PCDHA2: variants seen among roughly 807,000 people sequenced by gnomAD.
PCDHA2 encodes protocadherin alpha 2, also known as protocadherin alpha-2.
PCDHA2 carries 58 observed loss-of-function variants against 66.0 expected under a neutral mutation model. That is an observed-to-expected ratio of 0.88 (90% CI 0.71 to 1.09). The LOEUF is 1.09. Ranked by LOEUF, PCDHA2 falls within the 50% of genes least tolerant of loss-of-function variation. The probability of loss-of-function intolerance (pLI) is 0.00; values close to 1 mark genes in which losing one functional copy is unlikely to be tolerated. For synonymous variants in PCDHA2, 634 were observed against 554.0 expected (o/e 1.14, Z -2.03); for missense variants, 1,267 against 1,242.3 (o/e 1.02, Z -0.30).
chr5:140,956,408 C>T (rs1192859348), intron 1 of PCDHA2, among the ~76,000 whole-genome samples: 1 of 152,122 alleles, frequency 6.6e-6, no homozygotes, highest in Non-Finnish European at 1.5e-5. Context: ...TTGAGATAAT[C>T]ATGTGGGTTT....
chr5:140,803,187 A>G, intron 1 of PCDHA2: 1 of 1,613,930 alleles, frequency 6.2e-7, no homozygotes, highest in Non-Finnish European at 8.5e-7. Context: ...CGCCACGGCC[A>G]CTGTGCTGGT....
intron 1 of PCDHA2, chr5:140,857,129 G>A: frequency 6.3e-7 from 1 of 1,598,280 alleles, no homozygotes; most frequent in Non-Finnish European, 8.6e-7. Context: ...AGTGAAAGAA[G>A]ATGCTCAAGT....
At chr5:140,851,107 T>C in intron 1 of PCDHA2, 2 of 1,299,568 alleles carry the variant, frequency 1.5e-6, no homozygotes, top group Non-Finnish European at 2.0e-6. Context: ...TTTTGGGTGC[T>C]GAATCAATTT....
At position 140,807,296 on chromosome 5, in the gene PCDHA2, G is replaced by A. The variant is rs528454810; in HGVS notation, c.2388+9944G>A. 2.2e-5 allele frequency: 36 copies of A among 1,614,062 alleles called. No individual in the cohort carries two copies. The East Asian group carries it at 4.0e-4, about 18-fold the overall frequency. ...CGGTCAGCTCCACTACTCGGTCTCCGAGGAGGCCAAACACGGCACCTTCGT... is the reference window on the plus strand; with the variant it reads ...CGGTCAGCTCCACTACTCGGTCTCCAAGGAGGCCAAACACGGCACCTTCGT... On this transcript the variant is annotated intron_variant, in intron 1 of 3. Coordinates refer to ENST00000526136, the MANE Select transcript of PCDHA2 (RefSeq NM_018905.3).
rs140107313 is a variant in PCDHA2 at position 140,823,051 on chromosome 5, G to T, written c.2388+25699G>T. On this transcript the variant is annotated intron_variant, in intron 1 of 3. Coordinates refer to ENST00000526136, the MANE Select transcript of PCDHA2 (RefSeq NM_018905.3). Reference sequence around the variant, plus strand: ...GTCGGTCTATGAGCTGGTGGTGACCGCGCGGGACGGGGGCTCGCCTTCGCT... The same window carrying T: ...GTCGGTCTATGAGCTGGTGGTGACCTCGCGGGACGGGGGCTCGCCTTCGCT... 1,088 of 1,614,186 alleles carry T rather than the reference G, an allele frequency of 6.7e-4. 7 individuals are homozygous for T. In the African/African-American group the frequency reaches 0.013, roughly 19 times the overall value.
chr5:140,967,217 C>T, intron 1 of PCDHA2: 1 of 1,613,682 alleles, frequency 6.2e-7, no homozygotes, highest in Non-Finnish European at 8.5e-7. Flanking sequence ...TTTCCCGCGG[C>T]CCAACTACCA....
chr5:140,966,586 TG>T (rs1297938804), intron 1 of PCDHA2: 39 of 548,908 alleles, frequency 7.1e-5, no homozygotes, highest in Non-Finnish European at 1.1e-4. Flanking sequence ...GCGAGGACGG[TG>T]GGGCCAGGAG....
intron 1 of PCDHA2, chr5:140,849,896 CA>C: frequency 6.3e-7 from 1 of 1,598,590 alleles, no homozygotes; most frequent in Non-Finnish European, 8.6e-7. Context: ...TGAAGGAGAA[CA>C]ACCCGCCGGG....
chr5:140,889,509 C>T (rs2062255316), intron 1 of PCDHA2, among the ~76,000 whole-genome samples: 2 of 152,026 alleles, frequency 1.3e-5, no homozygotes, highest in Admixed American at 6.6e-5. Flanking sequence ...ATTTCCCTTT[C>T]CATTCTTGAT....
intron 1 of PCDHA2, among the ~76,000 whole-genome samples, chr5:140,839,041 C>A (rs1776010412): frequency 6.6e-6 from 1 of 151,884 alleles, no homozygotes; most frequent in African/African-American, 2.4e-5. Context: ...GTTTTCTTTT[C>A]AACGTGAATA....
At chr5:140,966,885 C>G in intron 1 of PCDHA2, 1 of 1,590,818 alleles carries the variant, frequency 6.3e-7, no homozygotes, top group Non-Finnish European at 8.5e-7. Flanking sequence ...CCTGGCCCTG[C>G]GGCCTCCCAG....
At chr5:140,861,184 A>G in intron 1 of PCDHA2, 1 of 160,152 alleles carries the variant, frequency 6.2e-6, no homozygotes, top group Non-Finnish European at 1.4e-5. Context: ...AAGTCTTTCT[A>G]GTCATGAAAT....
At chr5:140,865,992 T>C (rs1475339451) in intron 1 of PCDHA2, 1 of 152,212 alleles carries the variant, frequency 6.6e-6, no homozygotes, top group Non-Finnish European at 1.5e-5. Flanking sequence ...CACTAAGTTT[T>C]TTTATGTTAA....
rs2150445484 is a variant in PCDHA2, at chr5:140,849,697, A to T, written c.2388+52345A>T. The T allele has an allele frequency of 1.8e-5, 29 of 1,598,622 alleles. 2 individuals carry two copies. Among genetic ancestry groups the T allele is most frequent in the Middle Eastern group, 1.7e-4 (1 of 5,912 alleles). ...GTCCCCTTCAAGCTGGTGTCCACCTACAAGAATTACTACTCGTTGGTGCTG... is the reference window on the plus strand; with the variant it reads ...GTCCCCTTCAAGCTGGTGTCCACCTTCAAGAATTACTACTCGTTGGTGCTG... On this transcript the variant is annotated intron_variant, in intron 1 of 3. Coordinates refer to ENST00000526136, the MANE Select transcript of PCDHA2 (RefSeq NM_018905.3).
At chr5:140,826,236 TTATA>T (rs1420933804) in intron 1 of PCDHA2, among the ~76,000 whole-genome samples, 3 of 152,218 alleles carry the variant, frequency 2.0e-5, no homozygotes, top group Non-Finnish European at 4.4e-5. Context: ...TATAAACTAT[TTATA>T]TATCTCTTTA....
intron 1 of PCDHA2, chr5:140,875,534 T>G (rs114654172): frequency 0.025 from 39,957 of 1,614,138 alleles, 601 homozygotes; most frequent in Non-Finnish European, 0.03. Flanking sequence ...CTTCTGCTCC[T>G]TGCAGCCTGG....
rs1554217734 is a variant in PCDHA2, at chr5:140,946,611, AATATATAT to A, written c.2389-32324_2389-32317del. Among the ~76,000 whole-genome samples, 24 of 86,806 alleles carry A rather than the reference AATATATAT, an allele frequency of 2.8e-4. 1 individual carries two copies. Among genetic ancestry groups the A allele is most frequent in the African/African-American group, 1.5e-3 (23 of 15,698 alleles). 56.9% of individuals were successfully genotyped at this position (86,806 alleles called of 152,430 possible). On this transcript the variant is annotated intron_variant, in intron 1 of 3. Coordinates refer to ENST00000526136, the MANE Select transcript of PCDHA2 (RefSeq NM_018905.3). ...GGATGAATAGATAAAGAAAATGTGA[AATATATAT>A]ATATATATATATACAATGGAATACT... is the stretch of plus-strand genomic sequence containing the variant.
chr5:140,857,359 G>A lies in PCDHA2; in HGVS notation c.2388+60007G>A, dbSNP rs200721411. The A allele has an allele frequency of 2.9e-5, 46 of 1,598,282 alleles. 7 individuals carry two copies. The highest frequency in any genetic ancestry group is 3.8e-5 in the Non-Finnish European group (44 of 1,167,900). ...GGGGCTCGCCTCCGCTGTGGGCCAC[G>A]GCCAGCGTGTCTGTGGAGGTGGCCG... On this transcript the variant is annotated intron_variant, in intron 1 of 3. Coordinates refer to ENST00000526136, the MANE Select transcript of PCDHA2 (RefSeq NM_018905.3).
intron 3 of PCDHA2, among the ~76,000 whole-genome samples, chr5:140,983,358 T>C (rs1374842008): frequency 6.6e-6 from 1 of 152,224 alleles, no homozygotes; most frequent in Non-Finnish European, 1.5e-5. Context: ...GTAATAGAAA[T>C]ATGGCTTTGG....
Sources: allele counts gnomAD v4.1 joint callset (sites outside exome capture counted in the v4.1 genomes callset), GRCh38; gene constraint gnomAD v4.1.1; transcripts MANE v1.5; gene names NCBI Gene and HGNC (gene_info 2026-07-23, HGNC 2026-07-21).